Variants in RANBP2 observed in about 807,000 individuals in gnomAD.
The protein encoded by RANBP2 is RAN binding protein 2.
Under a neutral mutation model 303.6 loss-of-function variants are expected in RANBP2, and 57 were observed. The ratio of observed to expected loss-of-function variants is 0.19; its 90% CI spans 0.15 to 0.23. The LOEUF (loss-of-function observed/expected upper bound fraction) is 0.23. Ranked by LOEUF, RANBP2 falls within the 10% of genes least tolerant of loss-of-function variation. RANBP2 has a pLI of 1.00. For missense variants in RANBP2, 3,138 were observed against 3,780.8 expected, an observed-to-expected ratio of 0.83 and a Z score of 4.46; for synonymous variants, 1,167 against 1,301.5, an observed-to-expected ratio of 0.90 and a Z score of 2.23.
At chr2:109,088,930 C>T in the RANBP2 span, among the ~76,000 whole-genome samples, 1 of 151,218 alleles carries the variant, frequency 6.6e-6, no homozygotes, top group African/African-American at 2.5e-5. Flanking sequence ...GAGAGTTGAG[C>T]CCCAAACAAA....
the RANBP2 span, among the ~76,000 whole-genome samples, chr2:109,516,886 G>A: frequency 3.3e-5 from 5 of 152,208 alleles, no homozygotes; most frequent in Non-Finnish European, 7.3e-5. Flanking sequence ...CTCCTCATCA[G>A]TCTCAGTGGA....
chr2:109,475,365 C>A, the RANBP2 span, among the ~76,000 whole-genome samples: 1 of 152,256 alleles, frequency 6.6e-6, no homozygotes, highest in Non-Finnish European at 1.5e-5. Flanking sequence ...TGCTCCAAAG[C>A]AAACCCACGC....
chr2:109,403,009 G>A, the RANBP2 span, among the ~76,000 whole-genome samples: 2 of 152,288 alleles, frequency 1.3e-5, no homozygotes, highest in African/African-American at 4.8e-5. Context: ...GGTGGGTGGG[G>A]GGATGTGGAT....
chr2:109,207,049 CA>C, the RANBP2 span, among the ~76,000 whole-genome samples: 5 of 152,150 alleles, frequency 3.3e-5, no homozygotes, highest in African/African-American at 7.2e-5. Flanking sequence ...AGAACCTGAC[CA>C]TGCTCATTTG....
the RANBP2 span, among the ~76,000 whole-genome samples, chr2:109,010,409 T>A: frequency 7.0e-6 from 1 of 142,564 alleles, no homozygotes; most frequent in Non-Finnish European, 1.5e-5. Context: ...GCAACCAGCA[T>A]TCAGCATTTA....
chr2:109,203,186 C>T, the RANBP2 span, among the ~76,000 whole-genome samples: 22 of 152,252 alleles, frequency 1.4e-4, no homozygotes, highest in Non-Finnish European at 2.4e-4. Flanking sequence ...ATTGAGGATG[C>T]CTTGCCCGCA....
the RANBP2 span, among the ~76,000 whole-genome samples, chr2:109,374,420 T>C: frequency 1.3e-5 from 2 of 152,250 alleles, no homozygotes; most frequent in African/African-American, 4.8e-5. Context: ...TACTGACTGC[T>C]TGCACGCCAC....
At chr2:109,372,818 G>C in the RANBP2 span, among the ~76,000 whole-genome samples, 2 of 152,214 alleles carry the variant, frequency 1.3e-5, no homozygotes, top group Non-Finnish European at 1.5e-5. Flanking sequence ...AAGGGCTTCA[G>C]AGTTGGCACC....
At chr2:108,952,424 C>T in the RANBP2 span, among the ~76,000 whole-genome samples, 1 of 152,184 alleles carries the variant, frequency 6.6e-6, no homozygotes, top group African/African-American at 2.4e-5. Context: ...TTAAAATACT[C>T]TATTATGCAG....
the RANBP2 span, among the ~76,000 whole-genome samples, chr2:109,190,171 C>T: frequency 6.6e-6 from 1 of 152,242 alleles, no homozygotes; most frequent in South Asian, 2.1e-4. Context: ...ATCACCTTGA[C>T]ATCCTATTTT....
chr2:109,401,107 C>G, the RANBP2 span, among the ~76,000 whole-genome samples: 1 of 152,198 alleles, frequency 6.6e-6, no homozygotes, highest in Non-Finnish European at 1.5e-5. Flanking sequence ...CTTATTCTTG[C>G]TCAAACATCC....
the RANBP2 span, among the ~76,000 whole-genome samples, chr2:109,251,184 G>T: frequency 6.6e-6 from 1 of 151,736 alleles, no homozygotes; most frequent in Non-Finnish European, 1.5e-5. Flanking sequence ...TTTATTTTTA[G>T]TAGAGATGGG....
chr2:109,339,955 A>C, the RANBP2 span, among the ~76,000 whole-genome samples: 2 of 152,150 alleles, frequency 1.3e-5, no homozygotes, highest in Non-Finnish European at 2.9e-5. Flanking sequence ...AGGTGGTTGG[A>C]AGCTGGTTGC....
chr2:109,545,384 C>T, the RANBP2 span: 1 of 1,531,958 alleles, frequency 6.5e-7, no homozygotes, highest in Non-Finnish European at 8.7e-7. Context: ...TTAACACATA[C>T]CCCAAACCTA....
the RANBP2 span, among the ~76,000 whole-genome samples, chr2:109,001,931 T>C: frequency 6.6e-6 from 1 of 151,822 alleles, no homozygotes; most frequent in Non-Finnish European, 1.5e-5. Context: ...AGGGTTTCAC[T>C]GTGTTAGCCA....
At chr2:109,693,810 A>C in the RANBP2 span, among the ~76,000 whole-genome samples, 1 of 152,200 alleles carries the variant, frequency 6.6e-6, no homozygotes, top group Non-Finnish European at 1.5e-5. Flanking sequence ...TTATAAAACC[A>C]AACTGTGTTC....
At chr2:109,263,194 A>G in the RANBP2 span, among the ~76,000 whole-genome samples, 1 of 152,156 alleles carries the variant, frequency 6.6e-6, no homozygotes, top group Admixed American at 6.5e-5. Context: ...ATGTGCATTC[A>G]TACTATCTTT....
chr2:108,930,693 A>ACAGGGCTGTGTGTATCACAC, the RANBP2 span, among the ~76,000 whole-genome samples: 3 of 152,164 alleles, frequency 2.0e-5, no homozygotes, highest in African/African-American at 7.2e-5. Flanking sequence ...TCACATAGAC[A>ACAGGGCTGTGTGTATCACAC]CAGGGCTGTG....
the RANBP2 span, among the ~76,000 whole-genome samples, chr2:109,049,572 C>T: frequency 6.6e-6 from 1 of 152,212 alleles, no homozygotes; most frequent in African/African-American, 2.4e-5. Context: ...GAGGATGCTT[C>T]TCTTGGTATC....
Sources: gnomAD v4.1 joint callset for allele counts (sites outside exome capture counted in the v4.1 genomes callset) on GRCh38, gnomAD v4.1.1 for gene constraint, MANE v1.5 for transcripts, NCBI Gene and HGNC (gene_info 2026-07-23, HGNC 2026-07-21) for gene names.